The following CNTNAP2 variants were observed in gnomAD, a reference collection of about 807,000 sequenced individuals.
CNTNAP2 encodes the protein contactin associated protein 2, also known as contactin-associated protein-like 2.
CNTNAP2 carries 98 observed loss-of-function variants against 155.2 expected under a neutral mutation model. The ratio of observed to expected loss-of-function variants is 0.63; its 90% CI spans 0.54 to 0.75. CNTNAP2 has a LOEUF of 0.75. Among genes scored for constraint, CNTNAP2 ranks in the 30% least tolerant of loss-of-function variants. The pLI, the probability that CNTNAP2 is intolerant of heterozygous loss-of-function variation, is 0.00. For synonymous variants in CNTNAP2, 651 were observed against 631.2 expected, an observed-to-expected ratio of 1.03 and a Z score of -0.47; for missense variants, 1,727 against 1,688.1, an observed-to-expected ratio of 1.02 and a Z score of -0.40.
chr7:146,928,456 C>G (rs1796658295), intron 3 of CNTNAP2, among the ~76,000 whole-genome samples: 2 of 152,120 alleles, frequency 1.3e-5, no homozygotes, highest in Non-Finnish European at 2.9e-5. Flanking sequence ...GGACTCGCAG[C>G]CAAGATGGCC....
intron 12 of CNTNAP2, among the ~76,000 whole-genome samples, chr7:147,616,755 C>G (rs1801301768): frequency 6.6e-6 from 1 of 151,968 alleles, no homozygotes; most frequent in African/African-American, 2.4e-5. Context: ...TTTCTGCTTC[C>G]CATGTTTGAA....
chr7:147,177,928 C>T (rs963776481), intron 8 of CNTNAP2, among the ~76,000 whole-genome samples: 2 of 152,042 alleles, frequency 1.3e-5, no homozygotes, highest in African/African-American at 4.8e-5. Context: ...TTGAAAATAC[C>T]TTACGTCTAG....
At chr7:146,793,505 TG>T (rs747353902) in intron 2 of CNTNAP2, among the ~76,000 whole-genome samples, 3 of 152,144 alleles carry the variant, frequency 2.0e-5, no homozygotes, top group African/African-American at 4.8e-5. Flanking sequence ...ATTTATAGCC[TG>T]GTGGTGGCTA....
At chr7:146,145,033 G>T (rs879860300) in intron 1 of CNTNAP2, among the ~76,000 whole-genome samples, 1 of 152,146 alleles carries the variant, frequency 6.6e-6, no homozygotes, top group African/African-American at 2.4e-5. Context: ...TTGTCCAAAC[G>T]TTGGAATTTG....
At chr7:148,334,385 A>G (rs963027706) in intron 21 of CNTNAP2, among the ~76,000 whole-genome samples, 1 of 152,214 alleles carries the variant, frequency 6.6e-6, no homozygotes, top group South Asian at 2.1e-4. Flanking sequence ...GTGGCCTACC[A>G]TGTAGTGATT....
At chr7:147,603,577 C>T (rs1449290096) in intron 12 of CNTNAP2, among the ~76,000 whole-genome samples, 1 of 152,130 alleles carries the variant, frequency 6.6e-6, no homozygotes, top group African/African-American at 2.4e-5. Flanking sequence ...AAAGAAGATA[C>T]AAACAAATGG....
At chr7:146,591,737 A>G (rs1277807767) in intron 1 of CNTNAP2, among the ~76,000 whole-genome samples, 2 of 151,510 alleles carry the variant, frequency 1.3e-5, no homozygotes, top group African/African-American at 4.9e-5. Context: ...GTGTCCATCT[A>G]ATTCTTTGTG....
At chr7:147,860,386 T>C (rs1284052444) in intron 13 of CNTNAP2, among the ~76,000 whole-genome samples, 1 of 152,036 alleles carries the variant, frequency 6.6e-6, no homozygotes, top group Admixed American at 6.6e-5. Flanking sequence ...AACACACCAC[T>C]GCACTCCAAC....
chr7:146,305,295 C>T (rs1584858938), intron 1 of CNTNAP2, among the ~76,000 whole-genome samples: 3 of 152,142 alleles, frequency 2.0e-5, no homozygotes, highest in Admixed American at 6.6e-5. Context: ...AGTCTTTCTC[C>T]GTCCAGTTTT....
intron 15 of CNTNAP2, among the ~76,000 whole-genome samples, chr7:148,015,365 T>C (rs1378927698): frequency 6.6e-6 from 1 of 152,138 alleles, no homozygotes; most frequent in Non-Finnish European, 1.5e-5. Flanking sequence ...CACATTCAAC[T>C]CAACAGACAG....
chr7:147,115,809 G>T (rs1027334267), intron 5 of CNTNAP2, among the ~76,000 whole-genome samples: 4 of 152,084 alleles, frequency 2.6e-5, no homozygotes, highest in Non-Finnish European at 5.9e-5. Flanking sequence ...GCCTACTTCT[G>T]TCATTTCAGC....
At chr7:146,504,778 C>T (rs755621942) in intron 1 of CNTNAP2, among the ~76,000 whole-genome samples, 1 of 152,134 alleles carries the variant, frequency 6.6e-6, no homozygotes, top group African/African-American at 2.4e-5. Context: ...CCAGGTAGAG[C>T]GGCCAATCCT....
chr7:147,563,250 G>T (rs1312915135), intron 12 of CNTNAP2, among the ~76,000 whole-genome samples: 1 of 152,082 alleles, frequency 6.6e-6, no homozygotes, highest in Non-Finnish European at 1.5e-5. Context: ...ATCTGCATAT[G>T]GTTCTTAGCT....
intron 10 of CNTNAP2, among the ~76,000 whole-genome samples, chr7:147,449,132 A>G (rs1188323725): frequency 1.3e-5 from 2 of 151,968 alleles, no homozygotes; most frequent in Non-Finnish European, 2.9e-5. Flanking sequence ...AAACACTCAT[A>G]TACCTATTGA....
At chr7:146,569,484 A>G (rs1479222533) in intron 1 of CNTNAP2, among the ~76,000 whole-genome samples, 1 of 152,222 alleles carries the variant, frequency 6.6e-6, no homozygotes, top group Non-Finnish European at 1.5e-5. Flanking sequence ...TATATTCCTC[A>G]TGGATATTCT....
intron 8 of CNTNAP2, among the ~76,000 whole-genome samples, chr7:147,208,980 C>CTT (rs1803079750): frequency 6.6e-6 from 1 of 151,802 alleles, no homozygotes; most frequent in Non-Finnish European, 1.5e-5. Flanking sequence ...AAAGTTTCCC[C>CTT]TTATGTACAA....
At chr7:147,703,524 G>A (rs1372621428) in intron 13 of CNTNAP2, among the ~76,000 whole-genome samples, 2 of 152,046 alleles carry the variant, frequency 1.3e-5, no homozygotes, top group South Asian at 4.1e-4. Context: ...ACAGAGTAAG[G>A]ACAAAAAATA....
At chr7:146,988,184 G>A (rs117444531) in intron 3 of CNTNAP2, among the ~76,000 whole-genome samples, 6,106 of 152,064 alleles carry the variant, frequency 0.04, 183 homozygotes, top group Non-Finnish European at 0.061. Context: ...GTCTTTTAAT[G>A]TGCAATATTA....
intron 9 of CNTNAP2, among the ~76,000 whole-genome samples, chr7:147,380,081 T>G (rs533035930): frequency 1.3e-5 from 2 of 152,270 alleles, no homozygotes; most frequent in Admixed American, 6.5e-5. Flanking sequence ...CCTTAGAGAT[T>G]ATTGTTTCTG....
Sources: allele counts gnomAD v4.1 joint callset (sites outside exome capture counted in the v4.1 genomes callset), GRCh38; gene constraint gnomAD v4.1.1; transcripts MANE v1.5; gene names NCBI Gene and HGNC (gene_info 2026-07-23, HGNC 2026-07-21).